IL17RD: variants seen among roughly 807,000 people sequenced by gnomAD.
IL17RD encodes interleukin-17 receptor D.
IL17RD carries 52 observed loss-of-function variants against 80.5 expected under a neutral mutation model. That is an observed-to-expected ratio of 0.65 (90% CI 0.52 to 0.81). IL17RD has a LOEUF of 0.81. IL17RD is among the 40% of genes least tolerant of loss of function. IL17RD has a pLI of 0.00. For synonymous variants in IL17RD, 416 were observed against 391.8 expected (o/e 1.06, Z -0.73); for missense variants, 1,024 against 955.1 (o/e 1.07, Z -0.95).
intron 1 of IL17RD, among the ~76,000 whole-genome samples, chr3:57,122,558 T>G (rs1707363400): frequency 6.6e-6 from 1 of 152,220 alleles, no homozygotes; most frequent in Non-Finnish European, 1.5e-5. Flanking sequence ...ATCTAGGCTC[T>G]GTGCTCCTTA....
chr3:57,120,967 G>A (rs983177283), intron 1 of IL17RD, among the ~76,000 whole-genome samples: 3 of 152,196 alleles, frequency 2.0e-5, no homozygotes, highest in Admixed American at 6.5e-5. Flanking sequence ...GCTAACAACT[G>A]TGCCAGACTT....
At chr3:57,111,854 C>G (rs573553717) in intron 3 of IL17RD, among the ~76,000 whole-genome samples, 1 of 151,096 alleles carries the variant, frequency 6.6e-6, no homozygotes, top group Admixed American at 6.6e-5. Flanking sequence ...CCCAGCTACT[C>G]GGAAGGCTGA....
At chr3:57,117,103 A>C (rs2318019) in intron 2 of IL17RD, among the ~76,000 whole-genome samples, 96,661 of 149,000 alleles carry the variant, frequency 0.65, 32,581 homozygotes, top group Non-Finnish European at 0.74. Context: ...ATGCAATATA[A>C]AGTTTAAGAA....
chr3:57,143,743 CTAGGAAAATGAGTGCAA>C (rs1419120383), intron 1 of IL17RD, among the ~76,000 whole-genome samples: 2 of 152,196 alleles, frequency 1.3e-5, no homozygotes, highest in Admixed American at 6.5e-5. Context: ...GGGCCAGGCC[CTAGGAAAATGAGTGCAA>C]TGTGCCTAGG....
chr3:57,096,576 G>A (rs1434610957), intron 12 of IL17RD, 71 bp from the exon 13 acceptor site: 1 of 1,059,880 alleles, frequency 9.4e-7, no homozygotes, highest in Non-Finnish European at 1.5e-6. Context: ...GCTCATGGCA[G>A]AATGTGACTG....
chr3:57,123,542 A>G (rs1456054620), intron 1 of IL17RD, among the ~76,000 whole-genome samples: 2 of 152,194 alleles, frequency 1.3e-5, no homozygotes, highest in Non-Finnish European at 2.9e-5. Flanking sequence ...TTCCTGACAC[A>G]TCGGTCTGAC....
chr3:57,130,821 T>G (rs117904161), intron 1 of IL17RD, among the ~76,000 whole-genome samples: 1 of 152,120 alleles, frequency 6.6e-6, no homozygotes, highest in African/African-American at 2.4e-5. Flanking sequence ...TCAGTATGTG[T>G]GCCCAGCCAC....
chr3:57,129,786 G>A (rs1707568983), intron 1 of IL17RD, among the ~76,000 whole-genome samples: 1 of 152,210 alleles, frequency 6.6e-6, no homozygotes, highest in South Asian at 2.1e-4. Context: ...CTGTCCACAT[G>A]GTGGTCTCGG....
chr3:57,168,282 G>A (rs1322338549), upstream of IL17RD, among the ~76,000 whole-genome samples: 2 of 152,182 alleles, frequency 1.3e-5, no homozygotes, highest in Non-Finnish European at 1.5e-5. Flanking sequence ...TGACAGGGAA[G>A]GCAGAGCCCC....
chr3:57,106,427 A>G (rs1417585612), intron 5 of IL17RD, among the ~76,000 whole-genome samples: 1 of 152,240 alleles, frequency 6.6e-6, no homozygotes, highest in African/African-American at 2.4e-5. Flanking sequence ...CAGGCATTAC[A>G]TAATTTCAAG....
At chr3:57,134,583 GC>G in intron 1 of IL17RD, 1 of 1,251,894 alleles carries the variant, frequency 8.0e-7, no homozygotes, top group African/African-American at 1.5e-5. Context: ...GGCAGACAAG[GC>G]CCACAAGAAG....
intron 11 of IL17RD, among the ~76,000 whole-genome samples, chr3:57,099,231 C>T (rs1389931976): frequency 1.3e-5 from 2 of 152,188 alleles, no homozygotes; most frequent in Admixed American, 1.3e-4. Context: ...TGGCTAGCAC[C>T]TTCCTCTATG....
chr3:57,162,164 A>G (rs909897404), intron 1 of IL17RD, among the ~76,000 whole-genome samples: 4 of 152,248 alleles, frequency 2.6e-5, no homozygotes, highest in Admixed American at 1.3e-4. Context: ...AAGTCTTGCA[A>G]AAATACACAT....
intron 12 of IL17RD, 48 bp downstream of exon 12, chr3:57,097,548 T>G: frequency 7.0e-7 from 1 of 1,422,824 alleles, no homozygotes; most frequent in South Asian, 1.2e-5. Flanking sequence ...TTCAGAAGCA[T>G]GGTCAAAGGC....
chr3:57,163,016 A>G (rs1302015820), intron 1 of IL17RD, among the ~76,000 whole-genome samples: 1 of 152,214 alleles, frequency 6.6e-6, no homozygotes. Flanking sequence ...ATGTCTTGGA[A>G]GCACAGAGGG....
rs950589042 is a variant in IL17RD, at chr3:57,090,809, T to C, written c.*5584A>G. 4 of 152,224 alleles carry C rather than the reference T, an allele frequency of 2.6e-5. No homozygotes were observed. The highest frequency in any genetic ancestry group is 4.8e-5 in the African/African-American group (2 of 41,464). The allele number at this position is 152,224 out of a possible 1,614,324, so 9.4% of individuals were successfully genotyped here. A position where few individuals can be genotyped will look rare whatever the true frequency, so the allele number is the denominator to read the frequency against. On this transcript the variant is annotated 3_prime_UTR_variant, in exon 13 of 13. Coordinates refer to ENST00000296318, the MANE Select transcript of IL17RD (RefSeq NM_017563.5). ...TAATTTTGTCTACATCATGTACAAA[T>C]AGAAGATTGACTCTGAATCTTCCTG...
upstream of IL17RD, chr3:57,165,393 C>G: frequency 1.0e-6 from 1 of 965,450 alleles, no homozygotes; most frequent in East Asian, 4.7e-5. Context: ...GCGAAGGGGA[C>G]CGCACTGGGC....
chr3:57,126,076 C>T (rs1407129200), intron 1 of IL17RD, among the ~76,000 whole-genome samples: 1 of 152,190 alleles, frequency 6.6e-6, no homozygotes, highest in Non-Finnish European at 1.5e-5. Flanking sequence ...AAGAAACAAT[C>T]CCAAGCTTTT....
chr3:57,097,687 G>C lies in IL17RD; in HGVS notation c.2016C>G (p.Ser672=). 1 of 1,606,106 alleles carries C rather than the reference G, an allele frequency of 6.2e-7. No individual in the cohort carries two copies. Among genetic ancestry groups the C allele is most frequent in the Non-Finnish European group, 8.5e-7 (1 of 1,176,680 alleles). ...CTTCCATCAGTGGCAGAGACAGCTCGGATGAGGGCACAGACGAGTCATAGA... is the reference window on the plus strand; with the variant it reads ...CTTCCATCAGTGGCAGAGACAGCTCCGATGAGGGCACAGACGAGTCATAGA... ...SGIYDSSVPS[S]ELSLPLMEGL... is the part of the protein sequence containing the mutation. Residue 672 remains serine (S), a synonymous_variant, in exon 12 of 13, where the codon TCC becomes TCG. Transcript: ENST00000296318.
Sources: allele counts gnomAD v4.1 joint callset (sites outside exome capture counted in the v4.1 genomes callset), GRCh38; gene constraint gnomAD v4.1.1; transcripts MANE v1.5; gene names NCBI Gene and HGNC (gene_info 2026-07-23, HGNC 2026-07-21).